The following RTRAF variants were observed in gnomAD, a reference collection of about 807,000 sequenced individuals.
RTRAF encodes the protein RNA transcription, translation and transport factor.
In RTRAF, 14 loss-of-function variants were observed where a neutral mutation model predicts 34.4. That is an observed-to-expected ratio of 0.41 (90% confidence interval 0.27 to 0.64). RTRAF has a LOEUF of 0.64. RTRAF is among the 30% of genes least tolerant of loss of function. RTRAF has a pLI of 0.34. For synonymous variants in RTRAF, 96 were observed against 95.3 expected, an observed-to-expected ratio of 1.01 and a Z score of -0.04; for missense variants, 291 against 288.4, an observed-to-expected ratio of 1.01 and a Z score of -0.06.
rs1245823058 is a variant in RTRAF at position 52,005,363 on chromosome 14, T to C, written c.*847T>C. On this transcript the variant is annotated 3_prime_UTR_variant, in exon 8 of 8. Coordinates refer to ENST00000261700, the MANE Select transcript of RTRAF (RefSeq NM_016039.3). ...GTCTTTTTGCACTACAAAATGTTCA[T>C]CTTGGATGCTCAGGAACGTCTAATG... 1 of 878,050 alleles carries C rather than the reference T, an allele frequency of 1.1e-6. No individual in the cohort carries two copies. The highest frequency in any genetic ancestry group is 3.0e-5 in the Admixed American group (1 of 33,868). 54.4% of individuals were successfully genotyped at this position (878,050 alleles called of 1,614,324 possible). A position where few individuals can be genotyped will look rare whatever the true frequency, so the allele number is the denominator to read the frequency against.
In RTRAF at chr14:52,005,204, T is replaced by G; in HGVS notation, c.*688T>G. 3.2e-6 allele frequency: 1 copy of G among 310,736 alleles called. No individual in the cohort carries two copies. Among genetic ancestry groups the G allele is most frequent in the Non-Finnish European group, 5.9e-6 (1 of 170,370 alleles). 19.2% of individuals were successfully genotyped at this position (310,736 alleles called of 1,614,324 possible). ...TTGAATGAATTTGATCTTTTAAATA[T>G]TAATGATAAATGTTTACAAGAAGTT... On this transcript the variant is annotated 3_prime_UTR_variant, in exon 8 of 8. Coordinates refer to ENST00000261700, the MANE Select transcript of RTRAF (RefSeq NM_016039.3).
intron 1 of RTRAF, among the ~76,000 whole-genome samples, chr14:51,990,870 C>T (rs1890421884): frequency 6.6e-6 from 1 of 152,154 alleles, no homozygotes; most frequent in African/African-American, 2.4e-5. Context: ...CCTTGCCCTC[C>T]TTCCCCTTTC....
In RTRAF at chr14:52,006,767, C is replaced by T; in HGVS notation, c.*2251C>T. 5 of 1,242,598 alleles carry T rather than the reference C, an allele frequency of 4.0e-6. No individual in the cohort carries two copies. The highest frequency in any genetic ancestry group is 5.7e-6 in the Non-Finnish European group (5 of 874,324). The allele number at this position is 1,242,598 out of a possible 1,614,324, so 77.0% of individuals were successfully genotyped here. A position where few individuals can be genotyped will look rare whatever the true frequency, so the allele number is the denominator to read the frequency against. On this transcript the variant is annotated 3_prime_UTR_variant, in exon 8 of 8. Transcript: ENST00000261700. ...TAGAATGGGGAAATAGGATATTTTA[C>T]TTCCATTACAGTCATAGATTAGCAA...
In RTRAF at chr14:52,007,763, T is replaced by C. The variant is rs767477077; in HGVS notation, c.*3247T>C. 2.0e-6 allele frequency: 3 copies of C among 1,504,424 alleles called. No homozygotes were observed. The East Asian group carries it at 6.8e-5, about 34-fold the overall frequency. 93.2% of individuals were successfully genotyped at this position (1,504,424 alleles called of 1,614,324 possible). A position where few individuals can be genotyped will look rare whatever the true frequency, so the allele number is the denominator to read the frequency against. On this transcript the variant is annotated 3_prime_UTR_variant, in exon 8 of 8. Coordinates refer to ENST00000261700, the MANE Select transcript of RTRAF (RefSeq NM_016039.3). ...TAGTAAAATCTGTTAGTGCTCACAT[T>C]CACTGTGATGAGAGGTTATCTATTT... is the stretch of plus-strand genomic sequence containing the variant.
At chr14:51,990,971 A>G (rs185441744) in intron 1 of RTRAF, among the ~76,000 whole-genome samples, 1 of 152,314 alleles carries the variant, frequency 6.6e-6, no homozygotes, top group East Asian at 1.9e-4. Context: ...TATTTTATTT[A>G]AGAAACTTCT....
Position 52,005,523 on chromosome 14 carries a change from AG to A in RTRAF, c.*1010del. On this transcript the variant is annotated 3_prime_UTR_variant, in exon 8 of 8. Coordinates refer to ENST00000261700, the MANE Select transcript of RTRAF (RefSeq NM_016039.3). Reference sequence around the variant, plus strand: ...TGTGAGAGAAGAGCAGGGGTGGGACAGGGTGGTGGGTGAGTATATTGTAACC... The same window carrying A: ...TGTGAGAGAAGAGCAGGGGTGGGACAGGTGGTGGGTGAGTATATTGTAACC... 6 of 1,594,792 alleles carry A rather than the reference AG, an allele frequency of 3.8e-6. No individual in the cohort carries two copies. Among genetic ancestry groups the A allele is most frequent in the Non-Finnish European group, 5.1e-6 (6 of 1,172,694 alleles).
At position 52,009,099 on chromosome 14, in the gene RTRAF, AGAG is replaced by A. The variant is rs1890909622; in HGVS notation, c.*4587_*4589del. On this transcript the variant is annotated 3_prime_UTR_variant, in exon 8 of 8. Transcript: ENST00000261700. ...AGTTGGGCTACAGAGAACCTCAGTGAGAGGAGAGGAAGAAACCATAGGTTTCCC... is the reference window on the plus strand; with the variant it reads ...AGTTGGGCTACAGAGAACCTCAGTGAGAGAGGAAGAAACCATAGGTTTCCC... 1 of 152,216 alleles carries A rather than the reference AGAG, an allele frequency of 6.6e-6. No individual in the cohort carries two copies. Among genetic ancestry groups the A allele is most frequent in the South Asian group, 2.1e-4 (1 of 4,832 alleles). The allele number at this position is 152,216 out of a possible 1,614,324, so 9.4% of individuals were successfully genotyped here.
intron 3 of RTRAF, among the ~76,000 whole-genome samples, chr14:51,994,386 C>T (rs1445204945): frequency 1.3e-5 from 2 of 152,178 alleles, no homozygotes; most frequent in African/African-American, 4.8e-5. Flanking sequence ...ATTATCTTAT[C>T]TGCATCCCCT....
Position 52,005,681 on chromosome 14 carries a change from T to TATATCCCTTCTCTACCCTGCTAATTTA in RTRAF, c.*1167_*1193dup. 6.9e-7 allele frequency: 1 copy of TATATCCCTTCTCTACCCTGCTAATTTA among 1,450,796 alleles called. No homozygotes were observed. Among genetic ancestry groups the TATATCCCTTCTCTACCCTGCTAATTTA allele is most frequent in the South Asian group, 1.1e-5 (1 of 87,602 alleles). 89.9% of individuals were successfully genotyped at this position (1,450,796 alleles called of 1,614,324 possible). On this transcript the variant is annotated 3_prime_UTR_variant, in exon 8 of 8. Transcript: ENST00000261700. ...GCAGCAGGGGTAATCAAATACCATA[T>TATATCCCTTCTCTACCCTGCTAATTTA]ATATCCCTTCTCTACCCTGCTAATT... is the stretch of plus-strand genomic sequence containing the variant.
chr14:51,993,940 C>T, intron 3 of RTRAF, 118 bp downstream of exon 3: 1 of 581,174 alleles, frequency 1.7e-6, no homozygotes, highest in Non-Finnish European at 2.9e-6. Flanking sequence ...TTGGTTTATT[C>T]TTATCACAAG....
chr14:52,000,274 A>G (rs1052530400), intron 5 of RTRAF, among the ~76,000 whole-genome samples: 2 of 152,144 alleles, frequency 1.3e-5, no homozygotes, highest in African/African-American at 4.8e-5. Context: ...GGTCAAAAAT[A>G]TATAACCCCA....
chr14:52,010,395 A>G lies in RTRAF; in HGVS notation c.*5879A>G. The G allele has an allele frequency of 6.5e-6, 1 of 153,174 alleles. No individual in the cohort carries two copies. Among genetic ancestry groups the G allele is most frequent in the East Asian group, 1.9e-4 (1 of 5,226 alleles). The allele number at this position is 153,174 out of a possible 1,614,324, so 9.5% of individuals were successfully genotyped here. ...CTTAGCAATTATACAGACAGGGAAA[A>G]TGTTTATCTTGATTTCTGCTACAGC... On this transcript the variant is annotated 3_prime_UTR_variant, in exon 8 of 8. Coordinates refer to ENST00000261700, the MANE Select transcript of RTRAF (RefSeq NM_016039.3).
rs182509741 is a variant in RTRAF at position 52,001,689 on chromosome 14, A to G, written c.463-109A>G. On this transcript the variant is annotated intron_variant, in intron 5 of 7. Transcript: ENST00000261700. ...TAATGGGGAGTTTATTAATGAACTT[A>G]GGTAATTCTGACTTCATCAAAATGA... 2.0e-4 allele frequency: 152 copies of G among 758,962 alleles called. 1 individual carries two copies. In the African/African-American group the frequency reaches 2.7e-3, roughly 13 times the overall value. 47.0% of individuals were successfully genotyped at this position (758,962 alleles called of 1,614,324 possible). A position where few individuals can be genotyped will look rare whatever the true frequency, so the allele number is the denominator to read the frequency against.
intron 2 of RTRAF, among the ~76,000 whole-genome samples, chr14:51,992,099 G>GAATA (rs1890443437): frequency 6.6e-6 from 1 of 152,160 alleles, no homozygotes; most frequent in Non-Finnish European, 1.5e-5. Flanking sequence ...TGTATGCTAG[G>GAATA]GAAATAGTCC....
In RTRAF at chr14:51,996,224, A is replaced by G. The variant is rs1890519729; in HGVS notation, c.287-2270A>G. ...ATACTTGAAGGTGAATGGTATCAAA[A>G]GTATATTAAAAGTCTAAGCTAGAAA... On this transcript the variant is annotated intron_variant, in intron 3 of 7. Coordinates refer to ENST00000261700, the MANE Select transcript of RTRAF (RefSeq NM_016039.3). Among the ~76,000 whole-genome samples the G allele has an allele frequency of 2.0e-5, 3 of 152,308 alleles. No homozygotes were observed. The South Asian group carries it at 6.2e-4, about 32-fold the overall frequency.
chr14:52,001,073 T>C (rs1024944165), intron 5 of RTRAF, among the ~76,000 whole-genome samples: 74 of 152,220 alleles, frequency 4.9e-4, no homozygotes, highest in African/African-American at 1.7e-3. Flanking sequence ...GCAACCAGAC[T>C]ATTTAATAAC....
Position 52,006,821 on chromosome 14 carries a change from C to T in RTRAF, c.*2305C>T, listed in dbSNP as rs1890803617. 2.1e-5 allele frequency: 13 copies of T among 626,440 alleles called. No homozygotes were observed. The East Asian group carries it at 3.8e-4, about 18-fold the overall frequency. The allele number at this position is 626,440 out of a possible 1,614,324, so 38.8% of individuals were successfully genotyped here. A position where few individuals can be genotyped will look rare whatever the true frequency, so the allele number is the denominator to read the frequency against. The stretch of plus-strand genomic sequence containing the variant: ...TAAAATTACCTGTCCTATTACTAGT[C>T]TCCAGTTTTTAGTAGAGATTCAAAC... On this transcript the variant is annotated 3_prime_UTR_variant, in exon 8 of 8. Coordinates refer to ENST00000261700, the MANE Select transcript of RTRAF (RefSeq NM_016039.3).
intron 3 of RTRAF, among the ~76,000 whole-genome samples, chr14:51,994,740 C>T (rs1337882798): frequency 1.3e-5 from 2 of 152,148 alleles, no homozygotes; most frequent in Non-Finnish European, 2.9e-5. Flanking sequence ...TCCATAAACA[C>T]TAATTTCCCA....
rs1310188522 is a variant in RTRAF at position 52,005,510 on chromosome 14, G to A, written c.*994G>A. On this transcript the variant is annotated 3_prime_UTR_variant, in exon 8 of 8. Coordinates refer to ENST00000261700, the MANE Select transcript of RTRAF (RefSeq NM_016039.3). ...CTTACTTTCTTCCTGTGAGAGAAGA[G>A]CAGGGGTGGGACAGGGTGGTGGGTG... 1.3e-6 allele frequency: 2 copies of A among 1,596,806 alleles called. No individual in the cohort carries two copies. Among genetic ancestry groups the A allele is most frequent in the East Asian group, 4.5e-5 (2 of 44,800 alleles).
Sources: gnomAD v4.1 joint callset for allele counts (sites outside exome capture counted in the v4.1 genomes callset) on GRCh38, gnomAD v4.1.1 for gene constraint, MANE v1.5 for transcripts, NCBI Gene and HGNC (gene_info 2026-07-23, HGNC 2026-07-21) for gene names.